The following PCDH19 variants were observed in gnomAD, a reference collection of about 807,000 sequenced individuals.
PCDH19 encodes protocadherin 19.
PCDH19 carries 6 observed loss-of-function variants against 46.2 expected under a neutral mutation model. The ratio of observed to expected loss-of-function variants is 0.13; its 90% CI spans 0.07 to 0.26. PCDH19 has a LOEUF of 0.26. Ranked by LOEUF, PCDH19 falls within the 10% of genes least tolerant of loss-of-function variation. The pLI, the probability that PCDH19 is intolerant of heterozygous loss-of-function variation, is 1.00. For missense variants in PCDH19, 740 were observed against 972.3 expected (o/e 0.76, Z 3.18); for synonymous variants, 481 against 415.7 (o/e 1.16, Z -1.91).
chrX:100,392,923 A>T (rs1927903996), intron 3 of PCDH19, among the ~76,000 whole-genome samples: 1 of 111,482 alleles, frequency 9.0e-6, no homozygotes. Flanking sequence ...TCTCACTTAG[A>T]AAAGATATGG....
At chrX:100,299,279 T>C (rs2147448219) in intron 5 of PCDH19, among the ~76,000 whole-genome samples, 1 of 112,269 alleles carries the variant, frequency 8.9e-6, no homozygotes, top group Admixed American at 9.4e-5. Context: ...TCAGGCCACT[T>C]GCTCACACTT....
intron 4 of PCDH19, among the ~76,000 whole-genome samples, chrX:100,347,429 C>T (rs1926437750): frequency 8.9e-6 from 1 of 111,969 alleles, no homozygotes; most frequent in African/African-American, 3.3e-5. Context: ...TTAGCTCCTC[C>T]AGTGCCATAA....
intron 3 of PCDH19, among the ~76,000 whole-genome samples, chrX:100,358,866 A>G (rs1027736261): frequency 1.8e-5 from 2 of 112,342 alleles, no homozygotes; most frequent in African/African-American, 6.5e-5. Context: ...AAGTCAAACT[A>G]TTTAATCCCA....
chrX:100,333,147 A>AAGGC (rs1925938788), intron 5 of PCDH19, among the ~76,000 whole-genome samples: 1 of 49,938 alleles, frequency 2.0e-5, no homozygotes, highest in African/African-American at 6.3e-5. Context: ...GGAAGGAAGG[A>AAGGC]AGGAAGGAAG....
intron 5 of PCDH19, among the ~76,000 whole-genome samples, chrX:100,334,690 C>G (rs781545841): frequency 6.4e-5 from 7 of 110,152 alleles, no homozygotes; most frequent in Non-Finnish European, 1.3e-4. Context: ...CCTCTGACCA[C>G]TCTACTTGTC....
intron 3 of PCDH19, among the ~76,000 whole-genome samples, chrX:100,357,954 G>A (rs544942088): frequency 8.9e-6 from 1 of 112,216 alleles, no homozygotes; most frequent in Admixed American, 9.5e-5. Flanking sequence ...TAAGGCAGGT[G>A]ACGAAGTTTA....
chrX:100,316,121 G>C (rs1181972234), intron 5 of PCDH19, among the ~76,000 whole-genome samples: 2 of 111,697 alleles, frequency 1.8e-5, no homozygotes, highest in Non-Finnish European at 3.8e-5. Flanking sequence ...GTAATTTATT[G>C]AATTTTCCTC....
chrX:100,324,623 A>C (rs1323987655), intron 5 of PCDH19, among the ~76,000 whole-genome samples: 1 of 112,506 alleles, frequency 8.9e-6, no homozygotes, highest in Non-Finnish European at 1.9e-5. Flanking sequence ...AACTCTGTAC[A>C]TGGATATTAA....
chrX:100,375,768 A>G (rs543610357), intron 3 of PCDH19, among the ~76,000 whole-genome samples: 3 of 112,276 alleles, frequency 2.7e-5, no homozygotes, highest in East Asian at 5.6e-4. Context: ...GGTGATAACC[A>G]TGGACAAGAA....
At chrX:100,363,615 T>TTATA (rs60968315) in intron 3 of PCDH19, among the ~76,000 whole-genome samples, 1,705 of 89,531 alleles carry the variant, frequency 0.019, 50 homozygotes, top group African/African-American at 0.065. Context: ...ATGGGAAGTT[T>TTATA]TATATATATA....
chrX:100,388,090 AT>A (rs1388777945), intron 3 of PCDH19, among the ~76,000 whole-genome samples: 14 of 111,263 alleles, frequency 1.3e-4, no homozygotes, highest in Non-Finnish European at 2.5e-4. Flanking sequence ...AAAGTATACC[AT>A]TTAAAAAGTA....
chrX:100,388,237 CAT>C (rs1927769302), intron 3 of PCDH19, among the ~76,000 whole-genome samples: 1 of 108,808 alleles, frequency 9.2e-6, no homozygotes, highest in African/African-American at 3.3e-5. Flanking sequence ...CATACACGCA[CAT>C]ATATATACAC....
chrX:100,358,199 C>T (rs1926774670), intron 3 of PCDH19, among the ~76,000 whole-genome samples: 1 of 111,785 alleles, frequency 8.9e-6, no homozygotes, highest in African/African-American at 3.3e-5. Context: ...GTTCCTGAAC[C>T]CAATTTGATA....
At chrX:100,380,793 C>T (rs963632764) in intron 3 of PCDH19, among the ~76,000 whole-genome samples, 12 of 112,155 alleles carry the variant, frequency 1.1e-4, no homozygotes, top group Non-Finnish European at 1.7e-4. Flanking sequence ...AATCAAAACC[C>T]GTTTCCCTGC....
chrX:100,402,694 A>G lies in PCDH19; in HGVS notation c.2446T>C (p.Tyr816His), dbSNP rs1490618819. 4.1e-6 allele frequency: 5 copies of G among 1,210,208 alleles called. No homozygotes were observed. The highest frequency in any genetic ancestry group is 5.6e-6 in the Non-Finnish European group (5 of 895,196). The change falls in exon 3 of 6, where the codon TAC becomes CAC. Residue 816 changes from tyrosine (Y) to histidine (H), a missense_variant. Transcript: ENST00000373034. ...SLTSSLNYFD[Y>H]HQQTLPLGCR... Reference sequence around the variant, plus strand: ...CCCAGGGGCAGCGTCTGCTGGTGGTAGTCAAAATAGTTGAGGGAGGAGGTC... The same window carrying G: ...CCCAGGGGCAGCGTCTGCTGGTGGTGGTCAAAATAGTTGAGGGAGGAGGTC...
chrX:100,325,333 G>A (rs758421264), intron 5 of PCDH19, among the ~76,000 whole-genome samples: 2 of 108,557 alleles, frequency 1.8e-5, no homozygotes, highest in African/African-American at 6.7e-5. Context: ...TTCCCAGTAG[G>A]TCATGGCATT....
chrX:100,308,502 A>G (rs768588828), intron 5 of PCDH19, among the ~76,000 whole-genome samples: 8 of 112,160 alleles, frequency 7.1e-5, no homozygotes, highest in Non-Finnish European at 1.5e-4. Context: ...AAGAACCCAA[A>G]AGCAAACACA....
intron 3 of PCDH19, among the ~76,000 whole-genome samples, chrX:100,351,715 G>T (rs1007731923): frequency 8.9e-6 from 1 of 112,153 alleles, no homozygotes; most frequent in African/African-American, 3.2e-5. Context: ...CTTCAACTGG[G>T]AGTGTTTGGA....
chrX:100,301,023 G>GA (rs1470517909), intron 5 of PCDH19, among the ~76,000 whole-genome samples: 8 of 110,503 alleles, frequency 7.2e-5, no homozygotes, highest in Non-Finnish European at 1.5e-4. Context: ...AATTCAAACA[G>GA]AAAAAGACCA....
Sources: gnomAD v4.1 joint callset for allele counts (sites outside exome capture counted in the v4.1 genomes callset) on GRCh38, gnomAD v4.1.1 for gene constraint, MANE v1.5 for transcripts, NCBI Gene and HGNC (gene_info 2026-07-23, HGNC 2026-07-21) for gene names.